The following TMEM230 variants were observed in gnomAD, a reference collection of about 807,000 sequenced individuals.
TMEM230 encodes the protein transmembrane protein 230.
In TMEM230, 10 loss-of-function variants were observed where a neutral mutation model predicts 15.8. That is an observed-to-expected ratio of 0.63 (90% CI 0.39 to 1.07). The LOEUF is 1.07. Among genes scored for constraint, TMEM230 ranks in the 50% least tolerant of loss-of-function variants. TMEM230 has a pLI of 0.01. For synonymous variants in TMEM230, 67 were observed against 76.9 expected (o/e 0.87, Z 0.68); for missense variants, 165 against 193.3 (o/e 0.85, Z 0.87).
chr20:5,112,095 C>CG (rs1416580324), intron 1 of TMEM230, among the ~76,000 whole-genome samples: 6 of 152,222 alleles, frequency 3.9e-5, no homozygotes, highest in African/African-American at 1.4e-4. Context: ...CCGTCCGCCT[C>CG]GGCCTCCCAA....
rs191337922 is a variant in TMEM230 at position 5,105,631 on chromosome 20, T to C, written c.411+557A>G. 2.8e-3 allele frequency among the ~76,000 whole-genome samples: 421 copies of C among 152,218 alleles called. 3 individuals are homozygous for C. Among genetic ancestry groups the C allele is most frequent in the African/African-American group, 9.3e-3 (385 of 41,540 alleles). Reference sequence around the variant, plus strand: ...GGAATGTAATACAAATGATGAATGCTTGAGGGGATGGATACCCCATTTAGC... The same window carrying C: ...GGAATGTAATACAAATGATGAATGCCTGAGGGGATGGATACCCCATTTAGC... On this transcript the variant is annotated intron_variant, in intron 4 of 4. Coordinates refer to ENST00000342308, the MANE Select transcript of TMEM230 (RefSeq NM_001009923.2).
At chr20:5,080,678 C>T (rs776434187) in intron 3 of TMEM230, among the ~76,000 whole-genome samples, 16 of 152,000 alleles carry the variant, frequency 1.1e-4, no homozygotes, top group South Asian at 2.1e-4. Context: ...GTGATTCTCC[C>T]GCCTCAGCCT....
At chr20:5,069,630 A>G (rs980500138) in intron 3 of TMEM230, among the ~76,000 whole-genome samples, 1 of 152,108 alleles carries the variant, frequency 6.6e-6, no homozygotes, top group Non-Finnish European at 1.5e-5. Flanking sequence ...TTCAAGGGGT[A>G]GAGTCTAAGT....
chr20:5,084,849 T>C (rs2089291438), intron 3 of TMEM230, among the ~76,000 whole-genome samples: 1 of 152,214 alleles, frequency 6.6e-6, no homozygotes, highest in East Asian at 1.9e-4. Context: ...ATATTCCACG[T>C]TGTATATGTA....
chr20:5,089,900 T>C (rs1275764785), intron 3 of TMEM230, among the ~76,000 whole-genome samples: 1 of 151,990 alleles, frequency 6.6e-6, no homozygotes, highest in Non-Finnish European at 1.5e-5. Flanking sequence ...GTGCCTGTAA[T>C]CCCAGCTACT....
At chr20:5,060,492 A>G in the TMEM230 span, among the ~76,000 whole-genome samples, 1 of 151,766 alleles carries the variant, frequency 6.6e-6, no homozygotes, top group South Asian at 2.1e-4. Flanking sequence ...ATAGACCACG[A>G]CGCCCAGCTA....
At chr20:5,083,923 TG>T (rs568689730) in intron 3 of TMEM230, among the ~76,000 whole-genome samples, 87 of 152,308 alleles carry the variant, frequency 5.7e-4, no homozygotes, top group African/African-American at 2.0e-3. Context: ...TTATGTATCG[TG>T]GGGGTTTGGT....
chr20:5,088,666 C>T (rs532740272), intron 3 of TMEM230, among the ~76,000 whole-genome samples: 1 of 152,246 alleles, frequency 6.6e-6, no homozygotes, highest in Admixed American at 6.5e-5. Flanking sequence ...CACATGCCAC[C>T]ATGCCTGGCT....
chr20:5,067,409 T>C (rs1435229074), downstream of TMEM230: 2 of 73,812 alleles, frequency 2.7e-5, no homozygotes, highest in Non-Finnish European at 5.3e-5. Context: ...GTGTTTAGGC[T>C]CATATATATA....
At chr20:5,064,001 C>T (rs1470819531), downstream of TMEM230, among the ~76,000 whole-genome samples, 3 of 152,080 alleles carry the variant, frequency 2.0e-5, no homozygotes, top group South Asian at 2.1e-4. Flanking sequence ...AGTGGTGGTG[C>T]GCATCTGTAA....
At chr20:5,102,688 CAAAAAA>C (rs58106156) in intron 4 of TMEM230, among the ~76,000 whole-genome samples, 2,602 of 83,048 alleles carry the variant, frequency 0.031, 82 homozygotes, top group African/African-American at 0.091. Flanking sequence ...GACCCTGTCT[CAAAAAA>C]AAAAAAAAAA....
intron 3 of TMEM230, among the ~76,000 whole-genome samples, chr20:5,085,945 G>A (rs1305074358): frequency 6.6e-6 from 1 of 152,118 alleles, no homozygotes; most frequent in Non-Finnish European, 1.5e-5. Context: ...ACCTCTCACA[G>A]GTGCTCCTCT....
chr20:5,076,244 G>A (rs559583633), intron 3 of TMEM230, among the ~76,000 whole-genome samples: 1 of 152,150 alleles, frequency 6.6e-6, no homozygotes, highest in African/African-American at 2.4e-5. Flanking sequence ...TGAGAGGCAA[G>A]CATTAAATGT....
chr20:5,076,593 A>G (rs1305051312), intron 3 of TMEM230, among the ~76,000 whole-genome samples: 1 of 151,630 alleles, frequency 6.6e-6, no homozygotes, highest in African/African-American at 2.4e-5. Flanking sequence ...GGACTCACCA[A>G]TTTGTATTTG....
At chr20:5,081,154 C>A (rs2089162811) in intron 3 of TMEM230, among the ~76,000 whole-genome samples, 1 of 152,216 alleles carries the variant, frequency 6.6e-6, no homozygotes, top group Non-Finnish European at 1.5e-5. Flanking sequence ...AACTAGAAGT[C>A]TCTAGATGCA....
At position 5,071,997 on chromosome 20, in the gene TMEM230, T is replaced by A. The variant is rs150599461; in HGVS notation, c.223-2648A>T. Among the ~76,000 whole-genome samples the A allele has an allele frequency of 4.8e-3, 735 of 152,124 alleles. 5 individuals carry two copies. Among genetic ancestry groups the A allele is most frequent in the African/African-American group, 0.017 (709 of 41,528 alleles). Reference sequence around the variant, plus strand: ...AATGCCTGGCCTCAAGTGATCCACCTGCCTCAGCCTCCCAAAGTGCTGAGA... The same window carrying A: ...AATGCCTGGCCTCAAGTGATCCACCAGCCTCAGCCTCCCAAAGTGCTGAGA... On this transcript the variant is annotated intron_variant, in intron 3 of 3. Coordinates refer to the TMEM230 transcript ENST00000612323.
At chr20:5,097,543 C>T (rs577281581), downstream of TMEM230, among the ~76,000 whole-genome samples, 53 of 152,306 alleles carry the variant, frequency 3.5e-4, 1 homozygote, top group African/African-American at 1.2e-3. Flanking sequence ...ACTGTCCATA[C>T]CCACCTCCCC....
chr20:5,097,630 AT>A (rs1169319225), downstream of TMEM230, among the ~76,000 whole-genome samples: 3 of 151,782 alleles, frequency 2.0e-5, no homozygotes, highest in Non-Finnish European at 2.9e-5. Flanking sequence ...TTGCCTTATA[AT>A]TTTTTTTTGT....
rs1329461994 is a variant in TMEM230, at chr20:5,109,445, G to A, written c.175C>T (p.Leu59=). The change falls in exon 3 of 5, where the codon CTG becomes TTG. Residue 59 remains leucine (L), a splice_region_variant and synonymous_variant. Coordinates refer to ENST00000342308, the MANE Select transcript of TMEM230 (RefSeq NM_001009923.2). ...GACGGCATCATAACACGCTGACACA[G>A]CTACAGTTTAAAAACAAAAAACCCG... The A allele has an allele frequency of 6.2e-7, 1 of 1,612,432 alleles. No homozygotes were observed. Among genetic ancestry groups the A allele is most frequent in the East Asian group, 2.2e-5 (1 of 44,886 alleles).
Sources: gnomAD v4.1 joint callset for allele counts (sites outside exome capture counted in the v4.1 genomes callset) on GRCh38, gnomAD v4.1.1 for gene constraint, MANE v1.5 for transcripts, NCBI Gene and HGNC (gene_info 2026-07-23, HGNC 2026-07-21) for gene names.